Variants in ZC4H2 observed in about 807,000 individuals in gnomAD.
ZC4H2 encodes zinc finger C4H2-type containing.
For synonymous variants in ZC4H2, 84 were observed against 66.3 expected (o/e 1.27, Z -1.30); for missense variants, 137 against 173.9 (o/e 0.79, Z 1.19).
upstream of ZC4H2, among the ~76,000 whole-genome samples, chrX:64,980,556 G>A (rs1932062043): frequency 1.8e-5 from 2 of 111,941 alleles, no homozygotes; most frequent in African/African-American, 6.5e-5. Context: ...TACATGCCAG[G>A]CACTCTCCTA....
chrX:64,926,765 T>C (rs985416094), intron 1 of ZC4H2, among the ~76,000 whole-genome samples: 2 of 111,958 alleles, frequency 1.8e-5, no homozygotes, highest in African/African-American at 3.2e-5. Context: ...GATTCACTTG[T>C]ACATGGATTT....
chrX:64,970,934 A>G, intron 1 of ZC4H2, among the ~76,000 whole-genome samples: 1 of 111,990 alleles, frequency 8.9e-6, no homozygotes, highest in African/African-American at 3.3e-5. Flanking sequence ...CGATAGGTAA[A>G]TGTGTGTTCA....
chrX:64,990,507 G>A (rs1932289799), intron 1 of ZC4H2, among the ~76,000 whole-genome samples: 1 of 111,648 alleles, frequency 9.0e-6, no homozygotes, highest in Non-Finnish European at 1.9e-5. Context: ...GGTTACTATT[G>A]GGGAAAACAG....
At chrX:64,929,730 C>A (rs1244230624) in intron 1 of ZC4H2, among the ~76,000 whole-genome samples, 1 of 111,422 alleles carries the variant, frequency 9.0e-6, no homozygotes, top group South Asian at 3.8e-4. Flanking sequence ...GGTCTTCATG[C>A]CTATTTTTAT....
At chrX:65,023,785 T>C (rs1458888935) in intron 1 of ZC4H2, among the ~76,000 whole-genome samples, 2 of 111,739 alleles carry the variant, frequency 1.8e-5, no homozygotes, top group African/African-American at 6.5e-5. Flanking sequence ...TAAATCATTC[T>C]ACTATAAAGA....
rs186901797 is a variant in ZC4H2 at position 65,006,020 on chromosome X, C to T, written c.-272+28609G>A. Among the ~76,000 whole-genome samples the T allele has an allele frequency of 2.4e-3, 270 of 111,606 alleles. 9 individuals carry two copies. The South Asian group carries it at 0.07, about 29-fold the overall frequency. Reference sequence around the variant, plus strand: ...AAAACCACAATGAGATACCATCTCACGCCAGTTAGAATGGTGATCATTAAA... The same window carrying T: ...AAAACCACAATGAGATACCATCTCATGCCAGTTAGAATGGTGATCATTAAA... On this transcript the variant is annotated intron_variant, in intron 1 of 4. Coordinates refer to the ZC4H2 transcript ENST00000337990.
intron 1 of ZC4H2, among the ~76,000 whole-genome samples, chrX:64,984,826 C>T (rs1038197925): frequency 2.7e-5 from 3 of 112,267 alleles, no homozygotes; most frequent in African/African-American, 3.2e-5. Flanking sequence ...AACTAAATTC[C>T]TCCCATAATT....
chrX:64,922,749 C>A (rs1049225054), intron 1 of ZC4H2, among the ~76,000 whole-genome samples: 5 of 112,285 alleles, frequency 4.5e-5, no homozygotes, highest in African/African-American at 1.6e-4. Flanking sequence ...TCTGTGCTGT[C>A]CAGTATAATA....
At chrX:64,941,340 CAG>C (rs1460096128) in intron 1 of ZC4H2, among the ~76,000 whole-genome samples, 1 of 111,761 alleles carries the variant, frequency 8.9e-6, no homozygotes, top group Non-Finnish European at 1.9e-5. Flanking sequence ...CATTTGCAAA[CAG>C]AGACAATTTG....
chrX:64,966,563 T>C (rs1161821501), intron 1 of ZC4H2, among the ~76,000 whole-genome samples: 1 of 112,424 alleles, frequency 8.9e-6, no homozygotes, highest in African/African-American at 3.2e-5. Context: ...GCTCCTCAAC[T>C]TGTGAGTGAA....
chrX:64,933,730 A>G (rs775788260), intron 1 of ZC4H2, among the ~76,000 whole-genome samples: 2 of 110,953 alleles, frequency 1.8e-5, no homozygotes, highest in South Asian at 7.8e-4. Context: ...TGGGGTCAGA[A>G]TGGCAGGGAT....
At chrX:64,980,216 G>A (rs1340839691), upstream of ZC4H2, among the ~76,000 whole-genome samples, 1 of 112,324 alleles carries the variant, frequency 8.9e-6, no homozygotes, top group Non-Finnish European at 1.9e-5. Flanking sequence ...AACCATCGAG[G>A]TTTCAGTGAA....
chrX:64,925,507 T>C (rs2147353461), intron 1 of ZC4H2, among the ~76,000 whole-genome samples: 1 of 112,193 alleles, frequency 8.9e-6, no homozygotes, highest in African/African-American at 3.2e-5. Flanking sequence ...TTGTAATTAA[T>C]TCGATTAAGA....
intron 1 of ZC4H2, among the ~76,000 whole-genome samples, chrX:65,022,548 G>T (rs1211266268): frequency 1.8e-5 from 2 of 111,767 alleles, no homozygotes; most frequent in East Asian, 5.6e-4. Context: ...AATTATTTAT[G>T]ACAAACCCAC....
At chrX:64,926,472 C>A (rs6524947) in intron 1 of ZC4H2, among the ~76,000 whole-genome samples, 9,283 of 111,662 alleles carry the variant, frequency 0.083, 1,034 homozygotes, top group African/African-American at 0.29. Flanking sequence ...AACTGCCCAA[C>A]TGTTCCAGAG....
At chrX:64,923,472 TC>T (rs1161603041) in intron 1 of ZC4H2, among the ~76,000 whole-genome samples, 1 of 109,469 alleles carries the variant, frequency 9.1e-6, no homozygotes, top group East Asian at 2.9e-4. Flanking sequence ...CCCCAGTCTA[TC>T]CTATGGGTGA....
intron 1 of ZC4H2, among the ~76,000 whole-genome samples, chrX:64,965,265 C>T (rs1232921012): frequency 9.0e-6 from 1 of 111,602 alleles, no homozygotes; most frequent in Non-Finnish European, 1.9e-5. Flanking sequence ...ACCTACATGA[C>T]CTGGTTTCCG....
intron 1 of ZC4H2, among the ~76,000 whole-genome samples, chrX:64,924,188 C>A (rs1229711355): frequency 4.5e-5 from 5 of 111,699 alleles, no homozygotes; most frequent in Non-Finnish European, 9.4e-5. Flanking sequence ...TTTCTGCAGA[C>A]AAAGTCATAT....
Position 64,920,156 on chromosome X carries a change from A to G in ZC4H2, c.323T>C (p.Val108Ala). ...HDEYKPLKEH[V>A]DALRMTLGLQ... The stretch of plus-strand genomic sequence containing the variant: ...GCCCAGAGTCATGCGCAGGGCATCC[A>G]CATGTTCTTTCAGTGGCTTATACTC... The change falls in exon 3 of 5, where the codon GTG becomes GCG. Residue 108 changes from valine to alanine, a missense_variant. Physicochemically the swap from Val to Ala is moderately conservative, Grantham distance 64. Coordinates refer to ENST00000374839, the MANE Select transcript of ZC4H2 (RefSeq NM_018684.4). 2 of 1,211,762 alleles carry G rather than the reference A, an allele frequency of 1.7e-6. No homozygotes were observed. Among genetic ancestry groups the G allele is most frequent in the Non-Finnish European group, 2.2e-6 (2 of 895,490 alleles).
Sources: allele counts gnomAD v4.1 joint callset (sites outside exome capture counted in the v4.1 genomes callset), GRCh38; gene constraint gnomAD v4.1.1; transcripts MANE v1.5; gene names NCBI Gene and HGNC (gene_info 2026-07-23, HGNC 2026-07-21).